Variants in TRMT44 observed in about 807,000 individuals in gnomAD.
TRMT44 encodes probable tRNA (uracil-O(2)-)-methyltransferase.
TRMT44 carries 78 observed loss-of-function variants against 77.3 expected under a neutral mutation model. The observed-to-expected ratio is 1.01, with a 90% CI of 0.84 to 1.22. TRMT44 has a LOEUF of 1.22. Ranked by LOEUF, TRMT44 falls within the 50% of genes most tolerant of loss-of-function variation. The pLI, the probability that TRMT44 is intolerant of heterozygous loss-of-function variation, is 0.00. For missense variants in TRMT44, 1,090 were observed against 964.4 expected (o/e 1.13, Z -1.73); for synonymous variants, 391 against 383.3 (o/e 1.02, Z -0.23).
At chr4:8,505,719 G>A in the TRMT44 span, among the ~76,000 whole-genome samples, 1 of 152,246 alleles carries the variant, frequency 6.6e-6, no homozygotes, top group Non-Finnish European at 1.5e-5. Flanking sequence ...TGGGCTCTGT[G>A]TCCCCACCCA....
chr4:8,501,340 T>C, the TRMT44 span, among the ~76,000 whole-genome samples: 3 of 152,164 alleles, frequency 2.0e-5, no homozygotes, highest in South Asian at 6.2e-4. This position sits in a 1 kb window ranked among gnomAD's most constrained non-coding sequence, Gnocchi z 4.4. Context: ...TGAGAGATGG[T>C]ATGTAGGCTG....
At chr4:8,462,250 A>G (rs1726203711) in intron 6 of TRMT44, among the ~76,000 whole-genome samples, 1 of 152,062 alleles carries the variant, frequency 6.6e-6, no homozygotes, top group African/African-American at 2.4e-5. Context: ...CGTCTCTACT[A>G]AAAATACAAA....
chr4:8,490,062 G>A (rs961159219), intron 2 of TRMT44, among the ~76,000 whole-genome samples: 3 of 152,090 alleles, frequency 2.0e-5, no homozygotes, highest in African/African-American at 7.2e-5. Context: ...CCCTGCTCCT[G>A]TGGCCCCCAC....
chr4:8,498,440 T>C (rs141221264), downstream of TRMT44, among the ~76,000 whole-genome samples: 8 of 152,174 alleles, frequency 5.3e-5, no homozygotes, highest in African/African-American at 1.9e-4. This position sits in a 1 kb window ranked among gnomAD's most constrained non-coding sequence, Gnocchi z 4.3. Flanking sequence ...AGCATGATGC[T>C]GGCATCTGCT....
intron 2 of TRMT44, among the ~76,000 whole-genome samples, chr4:8,492,483 G>A (rs4453919): frequency 9.2e-5 from 14 of 152,088 alleles, no homozygotes; most frequent in African/African-American, 1.7e-4. Flanking sequence ...GTTCATCCCC[G>A]GGCGTAGGCT....
chr4:8,469,120 A>G (rs1726804332), intron 9 of TRMT44, among the ~76,000 whole-genome samples: 1 of 152,228 alleles, frequency 6.6e-6, no homozygotes, highest in African/African-American at 2.4e-5. Flanking sequence ...GGACAAAATC[A>G]TACCCGTTTC....
chr4:8,449,382 G>T (rs929970591), intron 2 of TRMT44, among the ~76,000 whole-genome samples: 7 of 152,234 alleles, frequency 4.6e-5, no homozygotes, highest in Non-Finnish European at 1.0e-4. Flanking sequence ...CTGGCTCCTT[G>T]TGCATGAAGC....
intron 6 of TRMT44, among the ~76,000 whole-genome samples, chr4:8,463,038 T>C (rs1441944670): frequency 6.6e-6 from 1 of 152,226 alleles, no homozygotes; most frequent in South Asian, 2.1e-4. Flanking sequence ...AATTTCAGTT[T>C]TAGTTTTTTA....
At chr4:8,454,172 C>T (rs775030680) in intron 5 of TRMT44, among the ~76,000 whole-genome samples, 8 of 152,184 alleles carry the variant, frequency 5.3e-5, no homozygotes, top group Non-Finnish European at 1.2e-4. Context: ...AATTGGCTCA[C>T]GTTCTCAGGT....
Position 8,468,071 on chromosome 4 carries a change from C to A in TRMT44, c.1652C>A (p.Ala551Asp). 6.2e-7 allele frequency: 1 copy of A among 1,613,952 alleles called. No homozygotes were observed. Among genetic ancestry groups the A allele is most frequent in the Non-Finnish European group, 8.5e-7 (1 of 1,180,032 alleles). The change falls in exon 9 of 11, where the codon GCT (alanine) becomes GAT (aspartate). Residue 551 changes from alanine (A) to aspartate (D), a missense_variant. Ala to Asp is a moderately radical substitution (Grantham distance 126). Transcript: ENST00000389737. The part of the protein sequence containing the change: ...PSPRWVAAGS[A>D]GHCDGQQALD... Reference sequence around the variant, plus strand: ...CCACGCTGGGTTGCTGCTGGCAGTGCTGGTCACTGTGACGGTCAGCAAGCT... The same window carrying A: ...CCACGCTGGGTTGCTGCTGGCAGTGATGGTCACTGTGACGGTCAGCAAGCT...
chr4:8,468,623 C>T (rs1048287894), intron 9 of TRMT44: 2 of 566,374 alleles, frequency 3.5e-6, no homozygotes, highest in African/African-American at 1.9e-5. Flanking sequence ...GCTAGAACTA[C>T]TCATTTTCAA....
At chr4:8,458,588 G>C (rs1725960087) in intron 6 of TRMT44, among the ~76,000 whole-genome samples, 1 of 150,984 alleles carries the variant, frequency 6.6e-6, no homozygotes, top group South Asian at 2.1e-4. Flanking sequence ...TCGAGTAGCT[G>C]GGATTACAGG....
downstream of TRMT44, among the ~76,000 whole-genome samples, chr4:8,496,756 A>G (rs942841995): frequency 1.8e-4 from 27 of 151,246 alleles, no homozygotes; most frequent in African/African-American, 6.6e-4. Context: ...TTTCGCCTCT[A>G]GGGTAATTAG....
chr4:8,486,645 G>A (rs530674350), intron 2 of TRMT44, among the ~76,000 whole-genome samples: 33 of 152,088 alleles, frequency 2.2e-4, no homozygotes, highest in Admixed American at 6.5e-4. Context: ...GAACTGGGCT[G>A]GGTTTTTATA....
At chr4:8,492,414 C>G (rs1312020737) in intron 2 of TRMT44, among the ~76,000 whole-genome samples, 1 of 152,174 alleles carries the variant, frequency 6.6e-6, no homozygotes, top group Non-Finnish European at 1.5e-5. Context: ...AAATTATGAC[C>G]GTGAAAGGAC....
chr4:8,487,691 TGAA>T (rs900727747), intron 2 of TRMT44, among the ~76,000 whole-genome samples: 1 of 151,384 alleles, frequency 6.6e-6, no homozygotes, highest in Non-Finnish European at 1.5e-5. Context: ...CCACTAAGCG[TGAA>T]GGAGAAGGGG....
chr4:8,474,051 C>T (rs558008797), intron 10 of TRMT44, among the ~76,000 whole-genome samples: 10 of 152,060 alleles, frequency 6.6e-5, no homozygotes, highest in African/African-American at 1.9e-4. Context: ...GAGGGCCTGC[C>T]GCCAGCTGGC....
chr4:8,485,724 G>C (rs903875191), intron 2 of TRMT44, among the ~76,000 whole-genome samples: 1 of 152,174 alleles, frequency 6.6e-6, no homozygotes, highest in Admixed American at 6.5e-5. Context: ...CAGGGAAGCA[G>C]ATAATTTGGT....
intron 8 of TRMT44, 101 bp from the exon 9 acceptor site, chr4:8,467,813 T>C: frequency 7.7e-7 from 1 of 1,292,450 alleles, no homozygotes; most frequent in South Asian, 1.5e-5. Context: ...ATGATAGACA[T>C]TGAAAACTTG....
Sources: allele counts gnomAD v4.1 joint callset (sites outside exome capture counted in the v4.1 genomes callset), GRCh38; gene constraint gnomAD v4.1.1; non-coding constraint Gnocchi (gnomAD v3.1); transcripts MANE v1.5; gene names NCBI Gene and HGNC (gene_info 2026-07-23, HGNC 2026-07-21).